The following LHFPL3 variants were observed in gnomAD, a reference collection of about 807,000 sequenced individuals.
LHFPL3 encodes the protein LHFPL tetraspan subfamily member 3 protein.
Under a neutral mutation model 19.3 loss-of-function variants are expected in LHFPL3, and 5 were observed. The ratio of observed to expected loss-of-function variants is 0.26; its 90% CI spans 0.14 to 0.54. The LOEUF is 0.54. Ranked by LOEUF, LHFPL3 falls within the 20% of genes least tolerant of loss-of-function variation. The probability of loss-of-function intolerance (pLI) is 0.94; values close to 1 mark genes in which losing one functional copy is unlikely to be tolerated. For synonymous variants in LHFPL3, 133 were observed against 126.2 expected (o/e 1.05, Z -0.36); for missense variants, 249 against 307.4 (o/e 0.81, Z 1.42).
intron 2 of LHFPL3, among the ~76,000 whole-genome samples, chr7:104,900,605 T>C (rs979199196): frequency 2.0e-5 from 3 of 152,206 alleles, no homozygotes; most frequent in Non-Finnish European, 2.9e-5. Context: ...TCAGCTCTCC[T>C]GACTGTGGGG....
At chr7:104,803,183 A>G (rs1364943139) in intron 2 of LHFPL3, among the ~76,000 whole-genome samples, 8 of 152,096 alleles carry the variant, frequency 5.3e-5, no homozygotes, top group Admixed American at 5.2e-4. Context: ...CCAACATACC[A>G]CTTCTTTGAC....
intron 2 of LHFPL3, among the ~76,000 whole-genome samples, chr7:104,780,801 C>A (rs189845097): frequency 1.4e-4 from 21 of 152,306 alleles, no homozygotes; most frequent in Admixed American, 1.4e-3. Flanking sequence ...TTCTTCTCCA[C>A]GCAAGCCACA....
chr7:104,623,832 C>T (rs1269038351), intron 1 of LHFPL3, among the ~76,000 whole-genome samples: 2 of 152,196 alleles, frequency 1.3e-5, no homozygotes, highest in African/African-American at 4.8e-5. Context: ...CATTTTGGAC[C>T]TTCCAGATAT....
chr7:104,713,826 CT>C (rs1793337418), intron 1 of LHFPL3, among the ~76,000 whole-genome samples: 1 of 152,114 alleles, frequency 6.6e-6, no homozygotes, highest in Admixed American at 6.5e-5. Flanking sequence ...AAACTGGAGC[CT>C]TTGGGTAAAG....
intron 1 of LHFPL3, among the ~76,000 whole-genome samples, chr7:104,476,003 G>A (rs1327513489): frequency 6.6e-6 from 1 of 151,762 alleles, no homozygotes; most frequent in African/African-American, 2.4e-5. Flanking sequence ...TTCTTGCCTG[G>A]GTGTAGCATG....
chr7:104,474,524 G>A (rs749161565), intron 1 of LHFPL3, among the ~76,000 whole-genome samples: 153 of 151,830 alleles, frequency 1.0e-3, no homozygotes, highest in Non-Finnish European at 2.4e-4. Flanking sequence ...AAAATTAGCC[G>A]GGCATGGTGG....
At chr7:104,894,856 G>GCCAC (rs1792322394) in intron 2 of LHFPL3, 1 of 152,144 alleles carries the variant, frequency 6.6e-6, no homozygotes, top group African/African-American at 2.4e-5. Context: ...AAATGACTTG[G>GCCAC]CCACATCTAG....
intron 1 of LHFPL3, among the ~76,000 whole-genome samples, chr7:104,373,736 G>A (rs375996200): frequency 9.2e-5 from 14 of 152,228 alleles, no homozygotes; most frequent in African/African-American, 3.4e-4. Context: ...GCCCTTAGAG[G>A]TGATAGATGA....
At chr7:104,567,389 A>G (rs149977360) in intron 1 of LHFPL3, among the ~76,000 whole-genome samples, 576 of 152,270 alleles carry the variant, frequency 3.8e-3, no homozygotes, top group African/African-American at 0.013. Flanking sequence ...GGCAGCTTTC[A>G]TTCACTTTGG....
chr7:104,383,021 T>C (rs1790859412), intron 1 of LHFPL3, among the ~76,000 whole-genome samples: 1 of 152,190 alleles, frequency 6.6e-6, no homozygotes, highest in Non-Finnish European at 1.5e-5. Flanking sequence ...CGTGAGGCGC[T>C]AATACATGGC....
At chr7:104,626,118 T>A (rs1034203555) in intron 1 of LHFPL3, among the ~76,000 whole-genome samples, 1 of 152,192 alleles carries the variant, frequency 6.6e-6, no homozygotes, top group Non-Finnish European at 1.5e-5. Context: ...ACTGAGCCCA[T>A]GTAATTTTTT....
In LHFPL3 at chr7:104,757,929, A is replaced by G. The variant is rs145704578; in HGVS notation, c.682+21018A>G. ...TATGTTCATTGCAGCACTATTCACA[A>G]TAGCAAAGACATGAAATCAACCTAG... On this transcript the variant is annotated intron_variant, in intron 2 of 2. Transcript: ENST00000424859. Among the ~76,000 whole-genome samples the G allele has an allele frequency of 5.4e-3, 826 of 152,344 alleles. 6 individuals are homozygous for G. Among genetic ancestry groups the G allele is most frequent in the African/African-American group, 0.018 (763 of 41,572 alleles).
intron 2 of LHFPL3, among the ~76,000 whole-genome samples, chr7:104,893,015 G>A (rs1317243903): frequency 6.6e-6 from 1 of 151,992 alleles, no homozygotes; most frequent in East Asian, 1.9e-4. Flanking sequence ...AGACCAGCCT[G>A]GACAACATAG....
intron 1 of LHFPL3, among the ~76,000 whole-genome samples, chr7:104,386,921 A>G (rs1351704665): frequency 6.6e-6 from 1 of 152,182 alleles, no homozygotes; most frequent in Non-Finnish European, 1.5e-5. Context: ...GCCACATTGT[A>G]TCACCTAAAA....
intron 1 of LHFPL3, among the ~76,000 whole-genome samples, chr7:104,528,352 A>G (rs1235546753): frequency 6.6e-6 from 1 of 152,228 alleles, no homozygotes; most frequent in African/African-American, 2.4e-5. Flanking sequence ...AGTATAAACA[A>G]TGTTGTAATA....
chr7:104,532,163 G>C (rs1794310057), intron 1 of LHFPL3, among the ~76,000 whole-genome samples: 1 of 151,998 alleles, frequency 6.6e-6, no homozygotes, highest in Admixed American at 6.6e-5. Context: ...TGTCACCCAG[G>C]CTGGATGCAG....
intron 1 of LHFPL3, among the ~76,000 whole-genome samples, chr7:104,613,457 C>G (rs1791247372): frequency 6.6e-6 from 1 of 152,082 alleles, no homozygotes; most frequent in Non-Finnish European, 1.5e-5. Flanking sequence ...AGAAAAGACC[C>G]AGGGCTTAGA....
intron 2 of LHFPL3, among the ~76,000 whole-genome samples, chr7:104,870,196 C>T (rs1266897766): frequency 6.6e-6 from 1 of 152,082 alleles, no homozygotes; most frequent in Non-Finnish European, 1.5e-5. Flanking sequence ...ACATATGTAA[C>T]AAACCTGCAT....
At chr7:104,376,776 A>T (rs6946555) in intron 1 of LHFPL3, among the ~76,000 whole-genome samples, 51,522 of 151,738 alleles carry the variant, frequency 0.34, 9,043 homozygotes, top group Admixed American at 0.48. Flanking sequence ...CCCTTGCCAG[A>T]ATATGTTGGT....
Sources: gnomAD v4.1 joint callset for allele counts (sites outside exome capture counted in the v4.1 genomes callset) on GRCh38, gnomAD v4.1.1 for gene constraint, MANE v1.5 for transcripts, NCBI Gene and HGNC (gene_info 2026-07-23, HGNC 2026-07-21) for gene names.